The following CPNE8 variants were observed in gnomAD, a reference collection of about 807,000 sequenced individuals.
The protein encoded by CPNE8 is copine 8.
Under a neutral mutation model 81.5 loss-of-function variants are expected in CPNE8, and 45 were observed. The observed-to-expected ratio is 0.55, with a 90% CI of 0.44 to 0.71. The LOEUF (loss-of-function observed/expected upper bound fraction) is 0.71, where lower values mean the gene tolerates loss of function less well. Ranked by LOEUF, CPNE8 falls within the 30% of genes least tolerant of loss-of-function variation. The pLI is 0.00. For synonymous variants in CPNE8, 252 were observed against 226.3 expected, an observed-to-expected ratio of 1.11 and a Z score of -1.02; for missense variants, 594 against 672.1, an observed-to-expected ratio of 0.88 and a Z score of 1.28.
At chr12:38,880,628 TA>T (rs1944139096) in intron 1 of CPNE8, among the ~76,000 whole-genome samples, 1 of 152,152 alleles carries the variant, frequency 6.6e-6, no homozygotes, top group Admixed American at 6.5e-5. Context: ...TATTTGTATG[TA>T]TATATATTTT....
chr12:38,683,450 G>C (rs1819766899), intron 16 of CPNE8, among the ~76,000 whole-genome samples: 2 of 152,064 alleles, frequency 1.3e-5, no homozygotes, highest in Admixed American at 1.3e-4. Context: ...GCTTTTAAGA[G>C]TTATATAAAG....
intron 14 of CPNE8, among the ~76,000 whole-genome samples, chr12:38,696,270 C>T (rs531924868): frequency 6.6e-6 from 1 of 152,136 alleles, no homozygotes; most frequent in South Asian, 2.1e-4. Flanking sequence ...TTCACCTTCT[C>T]CTCCTCCAAC....
chr12:38,765,724 T>C (rs1941673996), intron 8 of CPNE8, among the ~76,000 whole-genome samples: 1 of 152,230 alleles, frequency 6.6e-6, no homozygotes, highest in Non-Finnish European at 1.5e-5. Flanking sequence ...GGTTTCTGTG[T>C]GTAAATATAA....
chr12:38,898,973 G>T (rs147336633), intron 1 of CPNE8, among the ~76,000 whole-genome samples: 1 of 152,272 alleles, frequency 6.6e-6, no homozygotes, highest in African/African-American at 2.4e-5. Flanking sequence ...AGTGTAGAGA[G>T]AACCACATGA....
intron 6 of CPNE8, among the ~76,000 whole-genome samples, chr12:38,785,789 T>C (rs1423204535): frequency 6.6e-6 from 1 of 151,392 alleles, no homozygotes; most frequent in East Asian, 1.9e-4. Context: ...AATTTAAGAG[T>C]TGTCTTTTTG....
intron 19 of CPNE8, among the ~76,000 whole-genome samples, chr12:38,658,330 C>T (rs1172650630): frequency 6.6e-6 from 1 of 151,876 alleles, no homozygotes; most frequent in African/African-American, 2.4e-5. Flanking sequence ...TGAAATAAAG[C>T]AAGAAGACAA....
At chr12:38,790,751 A>G (rs1942303148) in intron 6 of CPNE8, among the ~76,000 whole-genome samples, 1 of 151,756 alleles carries the variant, frequency 6.6e-6, no homozygotes, top group Admixed American at 6.6e-5. Context: ...AAAATTAAAA[A>G]GATTTAAAAA....
At chr12:38,658,418 G>A (rs11169006) in intron 19 of CPNE8, among the ~76,000 whole-genome samples, 50,072 of 152,060 alleles carry the variant, frequency 0.33, 10,015 homozygotes, top group Non-Finnish European at 0.45. Flanking sequence ...CCAAATCTAC[G>A]TTTGATTGGT....
chr12:38,789,190 G>A (rs935494902), intron 6 of CPNE8, among the ~76,000 whole-genome samples: 4 of 151,972 alleles, frequency 2.6e-5, no homozygotes, highest in Admixed American at 6.6e-5. Context: ...TACATTACCT[G>A]ACTTTGAATT....
rs57376063 is a variant in CPNE8 at position 38,710,268 on chromosome 12, C to CAAAAAAAAAAAA, written c.915-7359_915-7348dup. 8.2e-3 allele frequency among the ~76,000 whole-genome samples: 413 copies of CAAAAAAAAAAAA among 50,206 alleles called. 26 individuals are homozygous for CAAAAAAAAAAAA. Among genetic ancestry groups the CAAAAAAAAAAAA allele is most frequent in the Non-Finnish European group, 0.012 (324 of 26,012 alleles). The allele number at this position is 50,206 out of a possible 152,430, so 32.9% of individuals were successfully genotyped here. A position where few individuals can be genotyped will look rare whatever the true frequency, so the allele number is the denominator to read the frequency against. ...ATGTGACATAATCAAAATAAGCTAA[C>CAAAAAAAAAAAA]AAAAAAAAAAAAAAAAAAAACCAAC... On this transcript the variant is annotated intron_variant, in intron 13 of 19. Transcript: ENST00000331366.
intron 13 of CPNE8, among the ~76,000 whole-genome samples, chr12:38,708,524 T>G (rs762639127): frequency 6.6e-6 from 1 of 152,330 alleles, no homozygotes; most frequent in Non-Finnish European, 1.5e-5. Context: ...AAGGATTTCA[T>G]AAAATCCAGT....
At chr12:38,750,463 G>A (rs1254832712) in intron 10 of CPNE8, among the ~76,000 whole-genome samples, 1 of 152,166 alleles carries the variant, frequency 6.6e-6, no homozygotes, top group African/African-American at 2.4e-5. Flanking sequence ...GTCAGGAAGG[G>A]GGCTAAACCC....
At chr12:38,812,248 C>A (rs1295581914) in intron 6 of CPNE8, among the ~76,000 whole-genome samples, 1 of 152,166 alleles carries the variant, frequency 6.6e-6, no homozygotes, top group Non-Finnish European at 1.5e-5. Flanking sequence ...TCCAAACTTA[C>A]GTGTTGGAAA....
intron 3 of CPNE8, among the ~76,000 whole-genome samples, chr12:38,865,434 G>A (rs1943899940): frequency 6.6e-6 from 1 of 152,174 alleles, no homozygotes; most frequent in African/African-American, 2.4e-5. Flanking sequence ...TCATAAAATA[G>A]AGAACCATGC....
intron 19 of CPNE8, among the ~76,000 whole-genome samples, chr12:38,661,723 T>C (rs1938957984): frequency 6.6e-6 from 1 of 152,154 alleles, no homozygotes; most frequent in Non-Finnish European, 1.5e-5. Flanking sequence ...TACAGGTTAA[T>C]ATTCCTGATG....
At chr12:38,748,415 A>T (rs1210622418) in intron 10 of CPNE8, among the ~76,000 whole-genome samples, 1 of 152,140 alleles carries the variant, frequency 6.6e-6, no homozygotes, top group Non-Finnish European at 1.5e-5. Flanking sequence ...GAACATTTTT[A>T]CCACAAGCCT....
chr12:38,692,183 G>A (rs541863549), intron 15 of CPNE8, among the ~76,000 whole-genome samples: 57 of 152,080 alleles, frequency 3.7e-4, no homozygotes, highest in Non-Finnish European at 6.3e-4. Flanking sequence ...TAGCTACCTG[G>A]GAAGCTGAGG....
At chr12:38,678,836 T>C (rs780120170) in intron 16 of CPNE8, among the ~76,000 whole-genome samples, 1 of 151,872 alleles carries the variant, frequency 6.6e-6, no homozygotes, top group African/African-American at 2.4e-5. Context: ...GGTTCCACAA[T>C]GTACTATAGA....
At position 38,905,526 on chromosome 12, in the gene CPNE8, G is replaced by T; in HGVS notation, c.9C>A (p.Ser3Arg). The T allele has an allele frequency of 6.4e-7, 1 of 1,564,668 alleles. No homozygotes were observed. Among genetic ancestry groups the T allele is most frequent in the Non-Finnish European group, 8.7e-7 (1 of 1,154,740 alleles). MDSRYNSTAGIGD... is the reference protein window; with the variant it reads MDRRYNSTAGIGD... ...CGATGCCCGCAGTGCTGTTGTAGCG[G>T]CTGTCCATATTGGGAGGAGGCGCCT... The change falls in exon 1 of 20, where the codon AGC becomes AGA. Residue 3 changes from serine (S) to arginine (R), a missense_variant. Ser to Arg is a moderately radical substitution (Grantham distance 110). Transcript: ENST00000331366.
Sources: gnomAD v4.1 joint callset for allele counts (sites outside exome capture counted in the v4.1 genomes callset) on GRCh38, gnomAD v4.1.1 for gene constraint, MANE v1.5 for transcripts, NCBI Gene and HGNC (gene_info 2026-07-23, HGNC 2026-07-21) for gene names.